Variants in DGKB observed in about 807,000 individuals in gnomAD.
The protein encoded by DGKB is 90 kDa diacylglycerol kinase.
DGKB carries 67 observed loss-of-function variants against 114.3 expected under a neutral mutation model. The observed-to-expected ratio is 0.59, with a 90% confidence interval of 0.48 to 0.72. The LOEUF is 0.72. Among genes scored for constraint, DGKB ranks in the 30% least tolerant of loss-of-function variants. DGKB has a pLI of 0.00. For synonymous variants in DGKB, 398 were observed against 323.1 expected, an observed-to-expected ratio of 1.23 and a Z score of -2.49; for missense variants, 907 against 975.2, an observed-to-expected ratio of 0.93 and a Z score of 0.93.
At chr7:14,266,928 GT>G (rs1797598884) in intron 23 of DGKB, among the ~76,000 whole-genome samples, 1 of 152,046 alleles carries the variant, frequency 6.6e-6, no homozygotes, top group Non-Finnish European at 1.5e-5. Flanking sequence ...CAGGTTTTTT[GT>G]TTTAATTTCT....
chr7:14,446,012 T>G (rs957681634), intron 21 of DGKB, among the ~76,000 whole-genome samples: 3 of 152,102 alleles, frequency 2.0e-5, no homozygotes, highest in African/African-American at 7.2e-5. Context: ...ATTTATAACA[T>G]AAGGAAAACC....
chr7:14,536,393 C>A (rs977567238), intron 20 of DGKB, among the ~76,000 whole-genome samples: 3 of 152,010 alleles, frequency 2.0e-5, no homozygotes, highest in African/African-American at 7.2e-5. Flanking sequence ...CCTAATTAAC[C>A]TGGATGCAAA....
At chr7:14,175,259 T>A (rs1781557200) in intron 25 of DGKB, among the ~76,000 whole-genome samples, 1 of 152,220 alleles carries the variant, frequency 6.6e-6, no homozygotes, top group Non-Finnish European at 1.5e-5. Flanking sequence ...AGAATTTGTG[T>A]GAATATTTAA....
chr7:14,424,337 G>A (rs539960557), intron 21 of DGKB, among the ~76,000 whole-genome samples: 15 of 151,792 alleles, frequency 9.9e-5, no homozygotes, highest in Non-Finnish European at 1.3e-4. Context: ...TTGATGCTTC[G>A]TGACTATTTT....
At chr7:14,898,305 G>C (rs1782437030) in intron 1 of DGKB, among the ~76,000 whole-genome samples, 1 of 152,020 alleles carries the variant, frequency 6.6e-6, no homozygotes, top group Non-Finnish European at 1.5e-5. Context: ...GTTATAATAA[G>C]CCAGTTGTGG....
intron 25 of DGKB, among the ~76,000 whole-genome samples, chr7:14,153,233 C>G (rs779690741): frequency 6.6e-6 from 1 of 151,918 alleles, no homozygotes; most frequent in Non-Finnish European, 1.5e-5. Flanking sequence ...CAAATATTTC[C>G]AAACCCTTTA....
At chr7:14,903,212 AGTGTGT>A (rs34367492), upstream of DGKB, 749 of 137,276 alleles carry the variant, frequency 5.5e-3, 5 homozygotes, top group Admixed American at 0.015. Context: ...AAGTCTGTGC[AGTGTGT>A]GTGTGTGTGT....
At chr7:14,880,739 G>A (rs966359158) in intron 1 of DGKB, among the ~76,000 whole-genome samples, 40 of 152,088 alleles carry the variant, frequency 2.6e-4, no homozygotes, top group African/African-American at 8.2e-4. Flanking sequence ...CAAAACTAAC[G>A]ACGTCTCTAG....
intron 1 of DGKB, among the ~76,000 whole-genome samples, chr7:14,864,779 G>C (rs1260412536): frequency 1.4e-5 from 2 of 141,392 alleles, no homozygotes; most frequent in African/African-American, 4.9e-5. Context: ...TGGACAAAGG[G>C]ATAAGAGATG....
At chr7:14,798,130 A>G (rs986322407) in intron 2 of DGKB, among the ~76,000 whole-genome samples, 5 of 152,162 alleles carry the variant, frequency 3.3e-5, no homozygotes, top group African/African-American at 1.2e-4. Flanking sequence ...GCCATAATTC[A>G]GAAGGGAGCA....
At chr7:14,670,283 C>CTATATATA (rs35058432) in intron 13 of DGKB, among the ~76,000 whole-genome samples, 6 of 146,638 alleles carry the variant, frequency 4.1e-5, no homozygotes, top group African/African-American at 1.3e-4. Flanking sequence ...GTATGTTATA[C>CTATATATA]TATATATATA....
intron 2 of DGKB, among the ~76,000 whole-genome samples, chr7:14,810,418 C>G (rs1000136791): frequency 1.3e-5 from 2 of 152,138 alleles, no homozygotes; most frequent in Non-Finnish European, 2.9e-5. Context: ...AAATATAATG[C>G]AAGCCACAAA....
At chr7:14,431,068 C>T (rs1489486868) in intron 21 of DGKB, among the ~76,000 whole-genome samples, 1 of 152,086 alleles carries the variant, frequency 6.6e-6, no homozygotes, top group Middle Eastern at 3.2e-3. Context: ...TATAGTTGCT[C>T]TCCTGAGTCT....
intron 17 of DGKB, among the ~76,000 whole-genome samples, chr7:14,597,651 A>C (rs1054292987): frequency 6.6e-6 from 1 of 152,050 alleles, no homozygotes; most frequent in Non-Finnish European, 1.5e-5. Context: ...TAAATAGAAG[A>C]GGAGGGTATG....
intron 2 of DGKB, among the ~76,000 whole-genome samples, chr7:14,827,143 T>C (rs996396886): frequency 6.6e-6 from 1 of 152,138 alleles, no homozygotes; most frequent in Non-Finnish European, 1.5e-5. Flanking sequence ...AACAAGTGTT[T>C]TCACCCATCC....
At chr7:14,266,558 C>T (rs933020294) in intron 23 of DGKB, among the ~76,000 whole-genome samples, 9 of 152,250 alleles carry the variant, frequency 5.9e-5, no homozygotes, top group African/African-American at 2.2e-4. Flanking sequence ...GTCATTTTTG[C>T]TGTTACAGGT....
At chr7:14,186,825 G>T (rs1472169906) in intron 23 of DGKB, among the ~76,000 whole-genome samples, 1 of 152,144 alleles carries the variant, frequency 6.6e-6, no homozygotes, top group African/African-American at 2.4e-5. Flanking sequence ...CTATGAGGAA[G>T]CAAAGGCATA....
chr7:14,183,381 G>A (rs1160747506), intron 23 of DGKB, among the ~76,000 whole-genome samples: 1 of 152,098 alleles, frequency 6.6e-6, no homozygotes, highest in Non-Finnish European at 1.5e-5. Context: ...AAAGGGGGTG[G>A]GTAGGAAGAG....
intron 17 of DGKB, among the ~76,000 whole-genome samples, chr7:14,590,789 T>C (rs1801578135): frequency 6.6e-6 from 1 of 152,158 alleles, no homozygotes; most frequent in African/African-American, 2.4e-5. Context: ...AAAATGTGTA[T>C]GTAAATACAC....
Sources: allele counts gnomAD v4.1 joint callset (sites outside exome capture counted in the v4.1 genomes callset), GRCh38; gene constraint gnomAD v4.1.1; transcripts MANE v1.5; gene names NCBI Gene and HGNC (gene_info 2026-07-23, HGNC 2026-07-21).